The following HDAC9 variants were observed in gnomAD, a reference collection of about 807,000 sequenced individuals.
HDAC9 encodes the protein MEF-2 interacting transcription repressor (MITR) protein.
Under a neutral mutation model 139.4 loss-of-function variants are expected in HDAC9, and 41 were observed. That is an observed-to-expected ratio of 0.29 (90% confidence interval 0.23 to 0.38). The LOEUF is 0.38. HDAC9 is among the 10% of genes least tolerant of loss of function. The probability of loss-of-function intolerance (pLI) is 1.00; values close to 1 mark genes in which losing one functional copy is unlikely to be tolerated. For synonymous variants in HDAC9, 517 were observed against 476.2 expected, an observed-to-expected ratio of 1.09 and a Z score of -1.12; for missense variants, 1,147 against 1,297.0, an observed-to-expected ratio of 0.88 and a Z score of 1.78.
chr7:18,565,451 A>G (rs1363935379), intron 2 of HDAC9, among the ~76,000 whole-genome samples: 2 of 152,204 alleles, frequency 1.3e-5, no homozygotes, highest in Non-Finnish European at 2.9e-5. Context: ...AAGATTACTT[A>G]ATCAGCATCA....
At chr7:18,909,283 A>G (rs1802538759) in intron 22 of HDAC9, among the ~76,000 whole-genome samples, 1 of 147,822 alleles carries the variant, frequency 6.8e-6, no homozygotes, top group Non-Finnish European at 1.5e-5. Context: ...GGTTCCTTGT[A>G]TATATATTCT....
chr7:18,906,291 C>A (rs770037299), intron 22 of HDAC9, among the ~76,000 whole-genome samples: 7 of 151,764 alleles, frequency 4.6e-5, no homozygotes, highest in Non-Finnish European at 7.4e-5. Flanking sequence ...ATTACAGGCA[C>A]TTGCCACCAT....
chr7:18,574,424 C>T (rs1825332620), intron 2 of HDAC9, among the ~76,000 whole-genome samples: 2 of 152,214 alleles, frequency 1.3e-5, no homozygotes, highest in Admixed American at 1.3e-4. Context: ...CTAATTGGTC[C>T]ATGGACGGCC....
At chr7:18,875,243 C>T (rs1161526202) in intron 22 of HDAC9, among the ~76,000 whole-genome samples, 2 of 152,018 alleles carry the variant, frequency 1.3e-5, no homozygotes, top group South Asian at 2.1e-4. Flanking sequence ...AAAATAATTC[C>T]CTTGCTCTCT....
intron 2 of HDAC9, among the ~76,000 whole-genome samples, chr7:18,168,320 G>T (rs1398019676): frequency 1.3e-5 from 2 of 152,122 alleles, no homozygotes; most frequent in Non-Finnish European, 2.9e-5. Flanking sequence ...TAAGTATTAT[G>T]ATGAAAATCT....
chr7:18,417,120 A>G (rs956622818), intron 1 of HDAC9, among the ~76,000 whole-genome samples: 1 of 152,040 alleles, frequency 6.6e-6, no homozygotes, highest in African/African-American at 2.4e-5. Context: ...ACTTTTTATT[A>G]TCTAATTTTC....
At chr7:18,408,971 A>G (rs1364992512) in intron 1 of HDAC9, among the ~76,000 whole-genome samples, 1 of 152,168 alleles carries the variant, frequency 6.6e-6, no homozygotes, top group African/African-American at 2.4e-5. Flanking sequence ...AGATAATCAA[A>G]TCCGTTTTTA....
At chr7:18,651,511 G>A (rs1414613289) in intron 11 of HDAC9, among the ~76,000 whole-genome samples, 1 of 151,964 alleles carries the variant, frequency 6.6e-6, no homozygotes, top group Non-Finnish European at 1.5e-5. Context: ...TGGGCTTCCT[G>A]GTATAAAATT....
chr7:18,229,651 A>T (rs1183451579), intron 2 of HDAC9, among the ~76,000 whole-genome samples: 3 of 152,178 alleles, frequency 2.0e-5, no homozygotes, highest in Non-Finnish European at 4.4e-5. Flanking sequence ...TCCGTCAGGT[A>T]GGAAGGAGTG....
intron 2 of HDAC9, among the ~76,000 whole-genome samples, chr7:18,184,617 G>T (rs1269227554): frequency 6.6e-6 from 1 of 152,160 alleles, no homozygotes; most frequent in African/African-American, 2.4e-5. Context: ...AAAAGTTTCA[G>T]ATTTTGGAAT....
At chr7:18,737,586 T>C (rs1787042601) in intron 13 of HDAC9, among the ~76,000 whole-genome samples, 1 of 152,246 alleles carries the variant, frequency 6.6e-6, no homozygotes, top group South Asian at 2.1e-4. Flanking sequence ...TAGAACTTAA[T>C]CCTGAGTTCT....
At chr7:18,718,208 G>A (rs148178953) in intron 12 of HDAC9, among the ~76,000 whole-genome samples, 46 of 152,046 alleles carry the variant, frequency 3.0e-4, no homozygotes, top group African/African-American at 1.0e-3. Flanking sequence ...TATGTAAATC[G>A]TATTGTATGG....
chr7:18,914,710 T>C (rs1386230153), intron 22 of HDAC9, among the ~76,000 whole-genome samples: 2 of 137,368 alleles, frequency 1.5e-5, no homozygotes, highest in East Asian at 2.0e-4. Context: ...CTTTGATGTA[T>C]TGAGTTGGAA....
At chr7:18,555,669 G>A (rs1818575798) in intron 2 of HDAC9, among the ~76,000 whole-genome samples, 1 of 152,002 alleles carries the variant, frequency 6.6e-6, no homozygotes, top group South Asian at 2.1e-4. Flanking sequence ...TTAGGAATTG[G>A]TGTTGATATT....
chr7:18,691,641 A>G (rs1782681972), intron 12 of HDAC9, among the ~76,000 whole-genome samples: 1 of 152,018 alleles, frequency 6.6e-6, no homozygotes, highest in Non-Finnish European at 1.5e-5. Context: ...TTATTTCCAA[A>G]TTTATCTTTG....
chr7:18,870,427 T>C (rs2129242599), intron 21 of HDAC9, among the ~76,000 whole-genome samples: 1 of 152,300 alleles, frequency 6.6e-6, no homozygotes, highest in Non-Finnish European at 1.5e-5. Context: ...GATTTGAAGT[T>C]ATATGTTTTT....
intron 2 of HDAC9, among the ~76,000 whole-genome samples, chr7:18,264,249 G>T (rs1795863571): frequency 6.6e-6 from 1 of 152,020 alleles, no homozygotes; most frequent in Non-Finnish European, 1.5e-5. Flanking sequence ...GACTATTCCA[G>T]GCTAAGCCAT....
At chr7:18,687,613 A>T (rs1457791459) in intron 12 of HDAC9, among the ~76,000 whole-genome samples, 1 of 151,852 alleles carries the variant, frequency 6.6e-6, no homozygotes, top group East Asian at 1.9e-4. Context: ...GGTATCTTTG[A>T]TATTCACTAT....
intron 2 of HDAC9, among the ~76,000 whole-genome samples, chr7:18,275,939 G>A (rs1796691520): frequency 6.6e-6 from 1 of 151,936 alleles, no homozygotes; most frequent in South Asian, 2.1e-4. Flanking sequence ...CAGGATTTTT[G>A]TCTGTCTTAT....
Sources: gnomAD v4.1 joint callset for allele counts (sites outside exome capture counted in the v4.1 genomes callset) on GRCh38, gnomAD v4.1.1 for gene constraint, MANE v1.5 for transcripts, NCBI Gene and HGNC (gene_info 2026-07-23, HGNC 2026-07-21) for gene names.